ATP6V1E2: variants seen among roughly 807,000 people sequenced by gnomAD.
ATP6V1E2 encodes the protein V-type proton ATPase subunit E 2.
For synonymous variants in ATP6V1E2, 121 were observed against 104.2 expected (o/e 1.16, Z -0.98); for missense variants, 308 against 273.3 (o/e 1.13, Z -0.90).
rs1409201659 is a variant in ATP6V1E2, at chr2:46,538,673, C to T, written c.-309-1970G>A. Among the ~76,000 whole-genome samples the T allele has an allele frequency of 1.3e-5, 2 of 152,048 alleles. 1 individual carries two copies. Among genetic ancestry groups the T allele is most frequent in the African/African-American group, 4.8e-5 (2 of 41,384 alleles). On this transcript the variant is annotated intron_variant, in intron 2 of 4. Coordinates refer to ENST00000522587, the MANE Select transcript of ATP6V1E2 (RefSeq NM_001318063.2). ...TGGTGTTCTCTCTCTCTCTTTGCTT[C>T]TCTCTGCACTTTAGCTATATTTCCT...
chr2:46,525,387 G>C (rs1029547788), intron 4 of ATP6V1E2, among the ~76,000 whole-genome samples: 155 of 151,068 alleles, frequency 1.0e-3, no homozygotes, highest in Middle Eastern at 3.4e-3. Flanking sequence ...GCGTGAACCC[G>C]GAAGGCGGAG....
chr2:46,533,101 CTAACAT>C (rs1667261101), intron 4 of ATP6V1E2, among the ~76,000 whole-genome samples: 3 of 121,944 alleles, frequency 2.5e-5, no homozygotes, highest in African/African-American at 5.9e-5. Flanking sequence ...CATTATATAT[CTAACAT>C]TATATTATAT....
In ATP6V1E2 at chr2:46,526,616, C is replaced by G. The variant is rs148824969; in HGVS notation, c.-102+9197G>C. On this transcript the variant is annotated intron_variant, in intron 4 of 4. Transcript: ENST00000522587. ...GTGAATTTGAGTACTCCAGGTACCT[C>G]ATATAAATAGAATCATAATATTTGT... Among the ~76,000 whole-genome samples the G allele has an allele frequency of 2.9e-3, 438 of 152,312 alleles. 1 individual carries two copies. Among genetic ancestry groups the G allele is most frequent in the Middle Eastern group, 0.02 (6 of 294 alleles).
At position 46,530,130 on chromosome 2, in the gene ATP6V1E2, C is replaced by A. The variant is rs1020727963; in HGVS notation, c.-102+5683G>T. The stretch of plus-strand genomic sequence containing the variant: ...CAGGATCACTCAATTCAGGCCACAA[C>A]TGCACATCTCCAGAATGCAGCTCAG... On this transcript the variant is annotated intron_variant, in intron 4 of 4. Transcript: ENST00000522587. This position sits in a 1 kb window ranked among gnomAD's most constrained non-coding sequence, Gnocchi z 5.2. Among the ~76,000 whole-genome samples the A allele has an allele frequency of 1.3e-5, 2 of 152,208 alleles. No homozygotes were observed. The highest frequency in any genetic ancestry group is 6.5e-5 in the Admixed American group (1 of 15,288).
intron 4 of ATP6V1E2, among the ~76,000 whole-genome samples, chr2:46,531,156 CA>C (rs200990136): frequency 0.012 from 1,853 of 152,320 alleles, 42 homozygotes; most frequent in African/African-American, 0.043. Flanking sequence ...ACCTCATATT[CA>C]TTAAGCAGTT....
intron 4 of ATP6V1E2, among the ~76,000 whole-genome samples, chr2:46,524,168 G>A (rs978313600): frequency 9.3e-5 from 14 of 151,226 alleles, no homozygotes; most frequent in Admixed American, 2.0e-4. Flanking sequence ...AAATCATGTC[G>A]TCTGCAAACA....
At chr2:46,533,178 T>C (rs567969680) in intron 4 of ATP6V1E2, among the ~76,000 whole-genome samples, 70 of 149,740 alleles carry the variant, frequency 4.7e-4, no homozygotes, top group African/African-American at 1.7e-3. Context: ...TAATGTTATA[T>C]CATATATAGT....
Position 46,530,962 on chromosome 2 carries a change from T to G in ATP6V1E2, c.-102+4851A>C, listed in dbSNP as rs571606012. 6.6e-6 allele frequency among the ~76,000 whole-genome samples: 1 copy of G among 152,348 alleles called. No individual in the cohort carries two copies. Among genetic ancestry groups the G allele is most frequent in the African/African-American group, 2.4e-5 (1 of 41,582 alleles). Reference sequence around the variant, plus strand: ...GAATTATGGGAGCTACAATTCAAGATGAGATTTGGGTGAGGACACAGCCAA... The same window carrying G: ...GAATTATGGGAGCTACAATTCAAGAGGAGATTTGGGTGAGGACACAGCCAA... On this transcript the variant is annotated intron_variant, in intron 4 of 4. Coordinates refer to ENST00000522587, the MANE Select transcript of ATP6V1E2 (RefSeq NM_001318063.2). The surrounding 1 kb of genome is among the most constrained non-coding windows in gnomAD (Gnocchi z 5.2).
At chr2:46,515,622 GACAAAAA>G (rs1449885264) in intron 4 of ATP6V1E2, among the ~76,000 whole-genome samples, 1 of 151,912 alleles carries the variant, frequency 6.6e-6, no homozygotes, top group Non-Finnish European at 1.5e-5. Flanking sequence ...AAAGCCGTGA[GACAAAAA>G]ACAAAAAACA....
chr2:46,530,657 A>G lies in ATP6V1E2; in HGVS notation c.-102+5156T>C, dbSNP rs1319359900. Among the ~76,000 whole-genome samples, 6 of 152,198 alleles carry G rather than the reference A, an allele frequency of 3.9e-5. No homozygotes were observed. The highest frequency in any genetic ancestry group is 1.5e-5 in the Non-Finnish European group (1 of 68,026). Reference sequence around the variant, plus strand: ...TGTATTAGTTTGTTCTCACACTGCGAATAAAGACATAACCAGGACTGGGTA... The same window carrying G: ...TGTATTAGTTTGTTCTCACACTGCGGATAAAGACATAACCAGGACTGGGTA... On this transcript the variant is annotated intron_variant, in intron 4 of 4. Coordinates refer to ENST00000522587, the MANE Select transcript of ATP6V1E2 (RefSeq NM_001318063.2). The surrounding 1 kb of genome is among the most constrained non-coding windows in gnomAD (Gnocchi z 5.2).
intron 2 of ATP6V1E2, among the ~76,000 whole-genome samples, chr2:46,540,402 CAG>C (rs1408839566): frequency 2.4e-5 from 3 of 127,468 alleles, no homozygotes; most frequent in Non-Finnish European, 4.7e-5. Flanking sequence ...GCCTGAGCGA[CAG>C]AGTGACAGAG....
intron 4 of ATP6V1E2, among the ~76,000 whole-genome samples, chr2:46,516,077 A>G (rs964539931): frequency 6.6e-6 from 1 of 152,258 alleles, no homozygotes; most frequent in African/African-American, 2.4e-5. Flanking sequence ...ATACAATAAT[A>G]GTAGGAAATT....
chr2:46,529,211 A>C (rs1230364174), intron 4 of ATP6V1E2, among the ~76,000 whole-genome samples: 1 of 152,250 alleles, frequency 6.6e-6, no homozygotes, highest in Admixed American at 6.5e-5. Flanking sequence ...CAGATGCCCA[A>C]CACTGCTATG....
chr2:46,539,919 A>G (rs906774056), intron 2 of ATP6V1E2, among the ~76,000 whole-genome samples: 2 of 152,220 alleles, frequency 1.3e-5, no homozygotes, highest in Non-Finnish European at 2.9e-5. Flanking sequence ...AGCACTGCTC[A>G]CACTATAGAG....
rs1357002584 is a variant in ATP6V1E2 at position 46,536,611 on chromosome 2, CA to C, written c.-218del. ...AATGCCCATCATTTTATCTCCTTAC[CA>C]GTGACTTCTAAGAAGATGGTTCACA... On this transcript the variant is annotated splice_region_variant and 5_prime_UTR_variant, in exon 3 of 5. Transcript: ENST00000522587. 6.6e-6 allele frequency: 1 copy of C among 152,252 alleles called. No individual in the cohort carries two copies. Among genetic ancestry groups the C allele is most frequent in the African/African-American group, 2.4e-5 (1 of 41,438 alleles). 9.4% of individuals were successfully genotyped at this position (152,252 alleles called of 1,614,324 possible).
intron 4 of ATP6V1E2, among the ~76,000 whole-genome samples, chr2:46,522,289 A>AAT (rs1266212073): frequency 6.6e-6 from 1 of 151,158 alleles, no homozygotes; most frequent in Non-Finnish European, 1.5e-5. Context: ...GTCTCCAAAA[A>AAT]AAAAAAAAGG....
intron 4 of ATP6V1E2, among the ~76,000 whole-genome samples, chr2:46,514,042 G>A (rs879476282): frequency 1.1e-4 from 16 of 152,070 alleles, no homozygotes; most frequent in Non-Finnish European, 2.1e-4. Context: ...CACTTTGGGA[G>A]GCCGAGGTGG....
chr2:46,514,790 G>C (rs1687641857), intron 4 of ATP6V1E2, among the ~76,000 whole-genome samples: 1 of 152,102 alleles, frequency 6.6e-6, no homozygotes, highest in Non-Finnish European at 1.5e-5. Context: ...TGTCTATCCA[G>C]ATTCAAGAAG....
intron 4 of ATP6V1E2, among the ~76,000 whole-genome samples, chr2:46,524,204 T>G (rs1207611720): frequency 1.3e-5 from 2 of 152,278 alleles, no homozygotes; most frequent in Middle Eastern, 3.4e-3. Flanking sequence ...CTCTTCCTAT[T>G]TGAATACACT....
Sources: allele counts gnomAD v4.1 joint callset (sites outside exome capture counted in the v4.1 genomes callset), GRCh38; gene constraint gnomAD v4.1.1; non-coding constraint Gnocchi (gnomAD v3.1); transcripts MANE v1.5; gene names NCBI Gene and HGNC (gene_info 2026-07-23, HGNC 2026-07-21).